The following AGBL4 variants were observed in gnomAD, a reference collection of about 807,000 sequenced individuals.
The protein encoded by AGBL4 is cytosolic carboxypeptidase 6.
Under a neutral mutation model 66.4 loss-of-function variants are expected in AGBL4, and 58 were observed. The observed-to-expected ratio is 0.87, with a 90% CI of 0.71 to 1.09. The LOEUF is 1.09. Ranked by LOEUF, AGBL4 falls within the 50% of genes least tolerant of loss-of-function variation. AGBL4 has a pLI of 0.00. For missense variants in AGBL4, 579 were observed against 631.0 expected (o/e 0.92, Z 0.88); for synonymous variants, 234 against 222.9 (o/e 1.05, Z -0.44).
chr1:48,592,832 C>T lies in AGBL4; in HGVS notation c.952-1847G>A, dbSNP rs146180365. Among the ~76,000 whole-genome samples the T allele has an allele frequency of 1.1e-3, 168 of 151,884 alleles. 1 individual carries two copies. The highest frequency in any genetic ancestry group is 4.0e-3 in the African/African-American group (164 of 41,426). ...GTTAGTGAAGAAGCAAGAATTAGAACCTAGCTTTTCTTTTACTTTTAAATT... is the reference window on the plus strand; with the variant it reads ...GTTAGTGAAGAAGCAAGAATTAGAATCTAGCTTTTCTTTTACTTTTAAATT... On this transcript the variant is annotated intron_variant, in intron 9 of 13. Coordinates refer to ENST00000371839, the MANE Select transcript of AGBL4 (RefSeq NM_032785.4).
chr1:48,850,201 C>G (rs1647003094), intron 6 of AGBL4, among the ~76,000 whole-genome samples: 1 of 152,120 alleles, frequency 6.6e-6, no homozygotes, highest in East Asian at 1.9e-4. Context: ...CAATGGATTC[C>G]TAAACTCAAC....
At chr1:48,633,249 G>A (rs1382098338) in intron 9 of AGBL4, among the ~76,000 whole-genome samples, 1 of 152,130 alleles carries the variant, frequency 6.6e-6, no homozygotes, top group Non-Finnish European at 1.5e-5. Flanking sequence ...ATTAATCCCT[G>A]CTCTAATATA....
chr1:48,966,157 G>T (rs2148946875), intron 5 of AGBL4, among the ~76,000 whole-genome samples: 1 of 152,238 alleles, frequency 6.6e-6, no homozygotes, highest in African/African-American at 2.4e-5. Flanking sequence ...TTAGTATTGA[G>T]AATGGACGTC....
At chr1:49,008,666 TAACA>T (rs1390528688) in intron 5 of AGBL4, among the ~76,000 whole-genome samples, 9 of 126,952 alleles carry the variant, frequency 7.1e-5, no homozygotes, top group Non-Finnish European at 1.2e-4. Context: ...ACAGAGATTA[TAACA>T]AACTGTCTCT....
chr1:48,576,377 G>A (rs997769244), intron 11 of AGBL4, among the ~76,000 whole-genome samples: 2 of 152,024 alleles, frequency 1.3e-5, no homozygotes, highest in African/African-American at 2.4e-5. Flanking sequence ...CCATGAAATC[G>A]GTCCCTGGTG....
chr1:49,897,559 C>G (rs1483588135), intron 1 of AGBL4, among the ~76,000 whole-genome samples: 1 of 151,720 alleles, frequency 6.6e-6, no homozygotes, highest in Non-Finnish European at 1.5e-5. Context: ...CAATGCAATC[C>G]CTGTCAAAAT....
chr1:49,544,011 T>C (rs962884858), intron 3 of AGBL4, among the ~76,000 whole-genome samples: 8 of 152,194 alleles, frequency 5.3e-5, no homozygotes, highest in Admixed American at 3.3e-4. Flanking sequence ...ATTTGCCATT[T>C]TTCATACACG....
chr1:49,631,913 G>C (rs1487669782), intron 3 of AGBL4, among the ~76,000 whole-genome samples: 4 of 152,182 alleles, frequency 2.6e-5, no homozygotes, highest in Non-Finnish European at 5.9e-5. Context: ...GTCATTGGCT[G>C]GAAGCAACCT....
chr1:48,797,718 T>C (rs1374338980), intron 6 of AGBL4, among the ~76,000 whole-genome samples: 1 of 152,140 alleles, frequency 6.6e-6, no homozygotes, highest in Non-Finnish European at 1.5e-5. Context: ...AGCTAATTTT[T>C]GTATTTTTAG....
At chr1:48,690,241 C>T (rs567274053) in intron 6 of AGBL4, among the ~76,000 whole-genome samples, 2 of 152,332 alleles carry the variant, frequency 1.3e-5, no homozygotes, top group South Asian at 4.1e-4. Context: ...ACTGGAGGGT[C>T]ATGAGCACCA....
At chr1:49,170,362 C>T (rs1357187030) in intron 4 of AGBL4, among the ~76,000 whole-genome samples, 1 of 141,424 alleles carries the variant, frequency 7.1e-6, no homozygotes, top group South Asian at 2.1e-4. Context: ...TATTTTGTCT[C>T]ACTCTTGGTT....
intron 6 of AGBL4, among the ~76,000 whole-genome samples, chr1:48,690,185 G>A (rs1646607027): frequency 1.3e-5 from 2 of 152,168 alleles, no homozygotes; most frequent in African/African-American, 4.8e-5. Context: ...AGAAAGTCAG[G>A]GCCCATCCAG....
chr1:49,192,109 A>C (rs1223567267), intron 4 of AGBL4, among the ~76,000 whole-genome samples: 17 of 152,084 alleles, frequency 1.1e-4, no homozygotes, highest in Non-Finnish European at 1.5e-5. Flanking sequence ...CTGCAACCTC[A>C]CCAGCATCTG....
intron 5 of AGBL4, among the ~76,000 whole-genome samples, chr1:49,023,320 T>A (rs1214022446): frequency 2.0e-5 from 3 of 152,050 alleles, no homozygotes; most frequent in Admixed American, 1.3e-4. Context: ...GCAGGCTCAG[T>A]TAGTATGGGT....
At chr1:49,280,472 A>T (rs750839790) in intron 3 of AGBL4, among the ~76,000 whole-genome samples, 19 of 152,178 alleles carry the variant, frequency 1.2e-4, no homozygotes, top group Non-Finnish European at 2.4e-4. Flanking sequence ...ACAGTCAAAT[A>T]CACATTCTAG....
intron 3 of AGBL4, among the ~76,000 whole-genome samples, chr1:49,458,347 C>A (rs1011938969): frequency 1.3e-5 from 2 of 151,688 alleles, no homozygotes; most frequent in African/African-American, 4.8e-5. Flanking sequence ...ATTTAATTCT[C>A]AGCTTGGTCA....
intron 3 of AGBL4, among the ~76,000 whole-genome samples, chr1:49,656,199 G>A (rs1208108341): frequency 6.6e-6 from 1 of 150,924 alleles, no homozygotes; most frequent in East Asian, 1.9e-4. Context: ...ACAGAAATAT[G>A]AACTACCATC....
At chr1:49,593,272 T>C (rs900440082) in intron 3 of AGBL4, among the ~76,000 whole-genome samples, 3 of 152,028 alleles carry the variant, frequency 2.0e-5, no homozygotes, top group African/African-American at 7.2e-5. Context: ...CCGGGTGTGG[T>C]GGCAGGCGCC....
intron 10 of AGBL4, among the ~76,000 whole-genome samples, chr1:48,590,177 G>T (rs1009853728): frequency 6.6e-6 from 1 of 152,132 alleles, no homozygotes; most frequent in Non-Finnish European, 1.5e-5. Flanking sequence ...GGCCGAGGCG[G>T]GCGGATCACC....
Sources: gnomAD v4.1 joint callset for allele counts (sites outside exome capture counted in the v4.1 genomes callset) on GRCh38, gnomAD v4.1.1 for gene constraint, MANE v1.5 for transcripts, NCBI Gene and HGNC (gene_info 2026-07-23, HGNC 2026-07-21) for gene names.